The following RANBP17 variants were observed in gnomAD, a reference collection of about 807,000 sequenced individuals.
RANBP17 encodes the protein RAN binding protein 17.
A neutral mutation model predicts 141.2 loss-of-function variants in RANBP17; 158 were observed. The ratio of observed to expected loss-of-function variants is 1.12; its 90% CI spans 0.98 to 1.28. RANBP17 has a LOEUF of 1.28. Ranked by LOEUF, RANBP17 falls within the 50% of genes most tolerant of loss-of-function variation. RANBP17 has a pLI of 0.00. For synonymous variants in RANBP17, 430 were observed against 450.0 expected (o/e 0.96, Z 0.56); for missense variants, 1,438 against 1,290.7 (o/e 1.11, Z -1.75).
At chr5:170,904,941 G>A (rs954592059) in intron 5 of RANBP17, among the ~76,000 whole-genome samples, 99 of 152,160 alleles carry the variant, frequency 6.5e-4, no homozygotes, top group African/African-American at 2.1e-3. Flanking sequence ...CAACCGTTAA[G>A]GAGGTTTTGT....
chr5:171,068,657 G>A (rs770924426), intron 14 of RANBP17, among the ~76,000 whole-genome samples: 10 of 152,070 alleles, frequency 6.6e-5, no homozygotes, highest in Non-Finnish European at 1.3e-4. Flanking sequence ...TGTGATCTCA[G>A]CTCATTGCAA....
chr5:171,089,683 C>G (rs138661073), intron 14 of RANBP17, among the ~76,000 whole-genome samples: 185 of 144,016 alleles, frequency 1.3e-3, no homozygotes, highest in East Asian at 2.3e-3. Flanking sequence ...TTAAGCCGGT[C>G]TGAAAAGCGC....
chr5:170,952,978 A>C (rs1246817423), intron 12 of RANBP17, among the ~76,000 whole-genome samples: 2 of 152,098 alleles, frequency 1.3e-5, no homozygotes, highest in African/African-American at 4.8e-5. Flanking sequence ...CACTGCCTTA[A>C]ATCTATTTAA....
intron 22 of RANBP17, among the ~76,000 whole-genome samples, chr5:171,233,074 C>T (rs895304488): frequency 4.6e-5 from 7 of 152,092 alleles, no homozygotes; most frequent in East Asian, 1.9e-4. Flanking sequence ...GGCGCAGCTG[C>T]TCATGCCTGT....
intron 21 of RANBP17, among the ~76,000 whole-genome samples, chr5:171,219,345 T>C (rs1763416896): frequency 6.6e-6 from 1 of 152,186 alleles, no homozygotes; most frequent in African/African-American, 2.4e-5. Flanking sequence ...GTTTCAACCT[T>C]GGAGAATCTG....
intron 14 of RANBP17, among the ~76,000 whole-genome samples, chr5:171,106,436 G>A (rs1485105576): frequency 2.0e-5 from 3 of 152,152 alleles, no homozygotes; most frequent in Admixed American, 1.3e-4. Context: ...AATACTGGGT[G>A]TTAGAGAAGA....
chr5:170,964,377 T>C (rs956361038), intron 13 of RANBP17, among the ~76,000 whole-genome samples: 2 of 151,600 alleles, frequency 1.3e-5, no homozygotes, highest in Non-Finnish European at 2.9e-5. Flanking sequence ...TATAATGGAA[T>C]GTTTTTTTGT....
intron 25 of RANBP17, among the ~76,000 whole-genome samples, chr5:171,273,448 A>C (rs1581163755): frequency 1.3e-5 from 2 of 152,148 alleles, no homozygotes; most frequent in South Asian, 4.1e-4. Flanking sequence ...TGAGGTAGAC[A>C]TGAAGGAATC....
rs151319347 is a variant in RANBP17 at position 171,183,226 on chromosome 5, A to G, written c.1925A>G (p.His642Arg). The G allele has an allele frequency of 4.4e-6, 7 of 1,600,070 alleles. No individual in the cohort carries two copies. Among genetic ancestry groups the G allele is most frequent in the African/African-American group, 4.0e-5 (3 of 74,632 alleles). The stretch of plus-strand genomic sequence containing the variant: ...GCTGTGAAATTCATGCTAAAAAACC[A>G]CACGGTAAGTCTTATTTCTTTAATT... The part of the protein sequence containing the change: ...IDAVKFMLKN[H>R]TSEHFPFLGI... The change falls in exon 17 of 28, where the codon CAC (histidine) becomes CGC (arginine). Residue 642 changes from histidine to arginine, a missense_variant. His to Arg is a conservative substitution (Grantham distance 29). Coordinates refer to ENST00000523189, the MANE Select transcript of RANBP17 (RefSeq NM_022897.5).
At chr5:170,993,168 T>C (rs79654083) in intron 14 of RANBP17, among the ~76,000 whole-genome samples, 2,658 of 152,134 alleles carry the variant, frequency 0.017, 70 homozygotes, top group African/African-American at 0.06. Flanking sequence ...ATGTTAAACA[T>C]TGTGCTAAAA....
At chr5:171,146,196 A>T (rs189601065) in intron 14 of RANBP17, among the ~76,000 whole-genome samples, 1 of 152,338 alleles carries the variant, frequency 6.6e-6, no homozygotes, top group African/African-American at 2.4e-5. Flanking sequence ...TTCTATGCGT[A>T]TAAGAGTTGA....
chr5:171,236,949 C>A (rs549179168), intron 22 of RANBP17, among the ~76,000 whole-genome samples: 1 of 152,106 alleles, frequency 6.6e-6, no homozygotes, highest in African/African-American at 2.4e-5. Flanking sequence ...TTATGTAGTT[C>A]TCCAGCTGAG....
intron 14 of RANBP17, among the ~76,000 whole-genome samples, chr5:171,008,014 G>A (rs934698844): frequency 2.0e-5 from 3 of 152,194 alleles, no homozygotes; most frequent in Admixed American, 2.0e-4. Context: ...GGGAATATGG[G>A]TAAATGACCA....
chr5:170,877,082 G>A (rs768898603), intron 1 of RANBP17, among the ~76,000 whole-genome samples: 5 of 151,932 alleles, frequency 3.3e-5, no homozygotes, highest in Non-Finnish European at 5.9e-5. Context: ...CATGAGATTA[G>A]ATTTATATCA....
intron 12 of RANBP17, among the ~76,000 whole-genome samples, chr5:170,935,551 T>C (rs1349704718): frequency 6.6e-6 from 1 of 152,186 alleles, no homozygotes; most frequent in Non-Finnish European, 1.5e-5. Flanking sequence ...CAGCTGCAGG[T>C]CTGTTGGAGT....
intron 14 of RANBP17, among the ~76,000 whole-genome samples, chr5:171,013,263 G>A (rs116112934): frequency 6.6e-6 from 1 of 152,230 alleles, no homozygotes; most frequent in Non-Finnish European, 1.5e-5. Context: ...TCCAGCCTTC[G>A]TGGAGCATCA....
rs1264209068 is a variant in RANBP17, at chr5:170,897,260, T to C, written c.489+1145T>C. On this transcript the variant is annotated intron_variant, in intron 5 of 27. Transcript: ENST00000523189. Reference sequence around the variant, plus strand: ...CCAGGTTTTAGAGAAACTCAGAAAGTTGGCAGAGCACTGTGATTGCTTGCA... The same window carrying C: ...CCAGGTTTTAGAGAAACTCAGAAAGCTGGCAGAGCACTGTGATTGCTTGCA... The C allele has an allele frequency of 2.2e-5, 14 of 642,168 alleles. No homozygotes were observed. In the Admixed American group the frequency reaches 2.6e-4, roughly 12 times the overall value. The allele number at this position is 642,168 out of a possible 1,614,324, so 39.8% of individuals were successfully genotyped here.
intron 20 of RANBP17, chr5:171,206,788 T>C: frequency 5.6e-6 from 1 of 178,926 alleles, no homozygotes; most frequent in Non-Finnish European, 1.2e-5. Flanking sequence ...GACATATCTT[T>C]AATTATTATT....
intron 14 of RANBP17, among the ~76,000 whole-genome samples, chr5:171,015,263 C>T (rs1457100136): frequency 6.6e-6 from 1 of 152,114 alleles, no homozygotes; most frequent in Non-Finnish European, 1.5e-5. Context: ...CCTCCCCCTT[C>T]ACTTTCTTGA....
Sources: allele counts gnomAD v4.1 joint callset (sites outside exome capture counted in the v4.1 genomes callset), GRCh38; gene constraint gnomAD v4.1.1; transcripts MANE v1.5; gene names NCBI Gene and HGNC (gene_info 2026-07-23, HGNC 2026-07-21).